RALGPS2: variants seen among roughly 807,000 people sequenced by gnomAD.
The protein encoded by RALGPS2 is Ral GEF with PH domain and SH3 binding motif 2.
A neutral mutation model predicts 86.8 loss-of-function variants in RALGPS2; 43 were observed. The ratio of observed to expected loss-of-function variants is 0.50; its 90% confidence interval spans 0.39 to 0.64. The LOEUF (loss-of-function observed/expected upper bound fraction) is 0.64, where lower values mean the gene tolerates loss of function less well. Ranked by LOEUF, RALGPS2 falls within the 30% of genes least tolerant of loss-of-function variation. RALGPS2 has a pLI of 0.00. For missense variants in RALGPS2, 536 were observed against 694.6 expected (o/e 0.77, Z 2.57); for synonymous variants, 243 against 231.3 (o/e 1.05, Z -0.46).
intron 1 of RALGPS2, chr1:178,753,847 T>C (rs1651808567): frequency 6.6e-6 from 1 of 152,280 alleles, no homozygotes; most frequent in Non-Finnish European, 1.5e-5. Context: ...GTTTTTTTTT[T>C]TTGAGATGGA....
At chr1:178,849,494 A>G (rs1338462800) in intron 8 of RALGPS2, among the ~76,000 whole-genome samples, 6 of 152,210 alleles carry the variant, frequency 3.9e-5, no homozygotes, top group Non-Finnish European at 7.3e-5. Context: ...TGTCTTTGAT[A>G]AAGTTTTGGG....
At chr1:178,830,826 T>G (rs561969074) in intron 7 of RALGPS2, among the ~76,000 whole-genome samples, 5 of 152,092 alleles carry the variant, frequency 3.3e-5, no homozygotes, top group Admixed American at 6.6e-5. Context: ...GGGCGGAAGA[T>G]ATGTGCAACA....
chr1:178,893,932 G>C lies in RALGPS2; in HGVS notation c.1339G>C (p.Glu447Gln), dbSNP rs368548808. The C allele has an allele frequency of 2.6e-5, 42 of 1,602,594 alleles. No individual in the cohort carries two copies. Among genetic ancestry groups the C allele is most frequent in the Non-Finnish European group, 3.5e-5 (41 of 1,171,756 alleles). Residue 447 changes from glutamate to glutamine, a missense_variant, in exon 16 of 20, where the codon GAA becomes CAA. Physicochemically the swap from Glu to Gln is conservative, Grantham distance 29 (BLOSUM62 2). Coordinates refer to ENST00000367635, the MANE Select transcript of RALGPS2 (RefSeq NM_152663.5). Reference sequence around the variant, plus strand: ...TCGTTATTATAGTTCTGCAGAATCAGAAGATTTGGCAGTACATTTATATCC... The same window carrying C: ...TCGTTATTATAGTTCTGCAGAATCACAAGATTTGGCAGTACATTTATATCC... The part of the protein sequence containing the change: ...HMKASSSAES[E>Q]DLAVHLYPGA...
chr1:178,776,943 T>C, intron 2 of RALGPS2, 122 bp downstream of exon 2: 1 of 723,478 alleles, frequency 1.4e-6, no homozygotes, highest in Non-Finnish European at 2.2e-6. Flanking sequence ...ACATTTCCTT[T>C]TTTTTTAAAT....
chr1:178,870,642 T>C (rs1311621792), intron 8 of RALGPS2: 1 of 152,194 alleles, frequency 6.6e-6, no homozygotes, highest in Non-Finnish European at 1.5e-5. Flanking sequence ...ATTCCAAAGG[T>C]CTTTGTTTAG....
chr1:178,861,373 T>C (rs560239881), intron 8 of RALGPS2, among the ~76,000 whole-genome samples: 61 of 152,250 alleles, frequency 4.0e-4, no homozygotes, highest in African/African-American at 1.3e-3. Flanking sequence ...CATGTTTTCA[T>C]TAAAACAAAA....
Position 178,885,992 on chromosome 1 carries a change from C to T in RALGPS2, c.1064C>T (p.Ala355Val). ...AGTTTCATTCATAAAATGAACACAG[C>T]AGAATTTAAGAGTGCAACGTTTCCA... Reference protein sequence around the residue: ...GYNFIHKMNTAEFKSATFPNA... With the variant: ...GYNFIHKMNTVEFKSATFPNA... The change falls in exon 13 of 20, where the codon GCA becomes GTA. Residue 355 changes from alanine (A) to valine (V), a missense_variant. Coordinates refer to ENST00000367635, the MANE Select transcript of RALGPS2 (RefSeq NM_152663.5). The T allele has an allele frequency of 6.2e-7, 1 of 1,601,922 alleles. No homozygotes were observed. Among genetic ancestry groups the T allele is most frequent in the Non-Finnish European group, 8.5e-7 (1 of 1,175,516 alleles).
chr1:178,842,990 A>G (rs1387793062), intron 8 of RALGPS2, among the ~76,000 whole-genome samples: 3 of 150,190 alleles, frequency 2.0e-5, no homozygotes, highest in Non-Finnish European at 4.5e-5. Context: ...AATCATTAAA[A>G]AGTCAGGAAA....
intron 1 of RALGPS2, 42 bp from the exon 2 acceptor site, chr1:178,776,640 C>A: frequency 1.6e-5 from 10 of 616,616 alleles, no homozygotes; most frequent in South Asian, 2.9e-5. Context: ...TTTTCTTGAA[C>A]TTCGAGGAAG....
At chr1:178,895,967 A>G (rs1659922709) in intron 16 of RALGPS2, among the ~76,000 whole-genome samples, 2 of 152,174 alleles carry the variant, frequency 1.3e-5, no homozygotes, top group South Asian at 2.1e-4. Context: ...TAGATTATCT[A>G]AGAAGAAAGT....
intron 12 of RALGPS2, chr1:178,885,634 T>C (rs41310854): frequency 0.037 from 7,370 of 199,080 alleles, 185 homozygotes; most frequent in African/African-American, 0.068. Context: ...TCATTAGTTT[T>C]GCAGTATTGT....
intron 6 of RALGPS2, among the ~76,000 whole-genome samples, chr1:178,814,352 G>A (rs1190996778): frequency 6.6e-6 from 1 of 152,112 alleles, no homozygotes; most frequent in Non-Finnish European, 1.5e-5. Flanking sequence ...AAGCATTCTT[G>A]TATGAGTCTC....
At chr1:178,814,166 TTTTG>T (rs1655121524) in intron 6 of RALGPS2, among the ~76,000 whole-genome samples, 1 of 152,234 alleles carries the variant, frequency 6.6e-6, no homozygotes, top group African/African-American at 2.4e-5. Context: ...TGCTTTTGGA[TTTTG>T]TTTAAATTGA....
chr1:178,840,705 C>T (rs914789601), intron 8 of RALGPS2, among the ~76,000 whole-genome samples: 3 of 152,062 alleles, frequency 2.0e-5, no homozygotes, highest in Non-Finnish European at 4.4e-5. Flanking sequence ...TCCATGAATC[C>T]AGGAGCTGGT....
chr1:178,776,707 A>G lies in RALGPS2; in HGVS notation c.-58A>G, dbSNP rs1424922881. ...GAATAATGTATTTGTGGCCTTGGACATGAGGCAGTCAGTCCTCTGTTGCTG... is the reference window on the plus strand; with the variant it reads ...GAATAATGTATTTGTGGCCTTGGACGTGAGGCAGTCAGTCCTCTGTTGCTG... On this transcript the variant is annotated 5_prime_UTR_variant, in exon 2 of 20. An upstream start codon of the reference 5' UTR is lost. Coordinates refer to ENST00000367635, the MANE Select transcript of RALGPS2 (RefSeq NM_152663.5). The G allele has an allele frequency of 7.7e-6, 10 of 1,305,856 alleles. No individual in the cohort carries two copies. Among genetic ancestry groups the G allele is most frequent in the Non-Finnish European group, 9.7e-6 (9 of 930,650 alleles). The allele number at this position is 1,305,856 out of a possible 1,614,324, so 80.9% of individuals were successfully genotyped here. A position where few individuals can be genotyped will look rare whatever the true frequency, so the allele number is the denominator to read the frequency against.
Position 178,839,410 on chromosome 1 carries a change from C to G in RALGPS2, c.607+5860C>G, listed in dbSNP as rs1656463256. ...ACCCAGAATTTCATATCCAGCCAAA[C>G]TAAGCTTCATAAGTGAAGGAGAAAT... On this transcript the variant is annotated intron_variant, in intron 8 of 19. Coordinates refer to ENST00000367635, the MANE Select transcript of RALGPS2 (RefSeq NM_152663.5). Among the ~76,000 whole-genome samples, 3 of 152,172 alleles carry G rather than the reference C, an allele frequency of 2.0e-5. No individual in the cohort carries two copies. In the South Asian group the frequency reaches 6.2e-4, roughly 32 times the overall value.
chr1:178,827,818 C>T (rs1015551892), intron 7 of RALGPS2, among the ~76,000 whole-genome samples: 3 of 152,148 alleles, frequency 2.0e-5, no homozygotes, highest in African/African-American at 7.2e-5. Flanking sequence ...CACACATTTA[C>T]AGTCAATTGA....
chr1:178,747,410 A>G, intron 1 of RALGPS2: 1 of 1,552,906 alleles, frequency 6.4e-7, no homozygotes, highest in Non-Finnish European at 8.9e-7. Flanking sequence ...ATCTTCTGAC[A>G]AGAGCTTCAC....
At chr1:178,800,628 G>C (rs1456604477) in intron 4 of RALGPS2, among the ~76,000 whole-genome samples, 1 of 152,158 alleles carries the variant, frequency 6.6e-6, no homozygotes, top group African/African-American at 2.4e-5. Flanking sequence ...ACCTGTTGAT[G>C]TTATGAGTAA....
Sources: gnomAD v4.1 joint callset for allele counts (sites outside exome capture counted in the v4.1 genomes callset) on GRCh38, gnomAD v4.1.1 for gene constraint, MANE v1.5 for transcripts, NCBI Gene and HGNC (gene_info 2026-07-23, HGNC 2026-07-21) for gene names.